Variants in RUNDC3B observed in about 807,000 individuals in gnomAD.
The protein encoded by RUNDC3B is RUN domain-containing protein 3B.
Under a neutral mutation model 58.4 loss-of-function variants are expected in RUNDC3B, and 33 were observed. The ratio of observed to expected loss-of-function variants is 0.56; its 90% CI spans 0.43 to 0.75. The LOEUF (loss-of-function observed/expected upper bound fraction) is 0.75. Ranked by LOEUF, RUNDC3B falls within the 30% of genes least tolerant of loss-of-function variation. RUNDC3B has a pLI of 0.00. For synonymous variants in RUNDC3B, 193 were observed against 195.2 expected (o/e 0.99, Z 0.10); for missense variants, 501 against 535.7 (o/e 0.94, Z 0.64).
At chr7:87,739,927 T>A in intron 5 of RUNDC3B, 47 bp downstream of exon 5, 1 of 854,412 alleles carries the variant, frequency 1.2e-6, no homozygotes, top group Admixed American at 2.2e-5. Flanking sequence ...TATATCTTAA[T>A]AGTTTCTACT....
intron 8 of RUNDC3B, 48 bp downstream of exon 8, chr7:87,778,003 G>A (rs779572938): frequency 2.0e-6 from 3 of 1,514,032 alleles, no homozygotes; most frequent in Non-Finnish European, 8.9e-7. Flanking sequence ...TAAACATTAA[G>A]ACAAAATGTC....
At chr7:87,809,614 A>C (rs1836605379) in intron 9 of RUNDC3B, among the ~76,000 whole-genome samples, 1 of 152,152 alleles carries the variant, frequency 6.6e-6, no homozygotes, top group Non-Finnish European at 1.5e-5. Flanking sequence ...TTTCTACTCT[A>C]ATGTAATCCT....
At chr7:87,679,399 T>C (rs531197486) in intron 2 of RUNDC3B, among the ~76,000 whole-genome samples, 3 of 148,972 alleles carry the variant, frequency 2.0e-5, no homozygotes, top group East Asian at 4.0e-4. Context: ...GGCCCCCAAC[T>C]TTTTTTTAAG....
chr7:87,779,200 G>T (rs1384503153), intron 8 of RUNDC3B, among the ~76,000 whole-genome samples: 1 of 152,044 alleles, frequency 6.6e-6, no homozygotes, highest in Non-Finnish European at 1.5e-5. Flanking sequence ...TTCCAGTTTT[G>T]TCAAAAGTTT....
intron 4 of RUNDC3B, among the ~76,000 whole-genome samples, chr7:87,724,599 AAAT>A (rs1404424349): frequency 5.9e-5 from 9 of 151,968 alleles, no homozygotes; most frequent in African/African-American, 2.2e-4. Flanking sequence ...CTGTAATAGA[AAAT>A]AATAATAATA....
chr7:87,806,278 G>A (rs1182908717), intron 8 of RUNDC3B, among the ~76,000 whole-genome samples: 4 of 152,138 alleles, frequency 2.6e-5, no homozygotes, highest in African/African-American at 9.7e-5. Context: ...TACTCCATTA[G>A]TATCATTGTA....
chr7:87,654,029 A>T (rs939347823), intron 2 of RUNDC3B, among the ~76,000 whole-genome samples: 2 of 152,098 alleles, frequency 1.3e-5, no homozygotes, highest in African/African-American at 4.8e-5. Flanking sequence ...CTGAAGTTTG[A>T]TAGGGATAAA....
intron 6 of RUNDC3B, among the ~76,000 whole-genome samples, chr7:87,759,559 G>A (rs1442672150): frequency 6.6e-6 from 1 of 152,116 alleles, no homozygotes; most frequent in African/African-American, 2.4e-5. Flanking sequence ...TACTTTGGGA[G>A]TCTGAGGCAG....
At chr7:87,676,278 C>T (rs1398396003) in intron 2 of RUNDC3B, among the ~76,000 whole-genome samples, 1 of 151,934 alleles carries the variant, frequency 6.6e-6, no homozygotes, top group Non-Finnish European at 1.5e-5. Flanking sequence ...AGGAAACAAT[C>T]CACAAAATGA....
At chr7:87,711,394 A>T (rs1830071420) in intron 4 of RUNDC3B, among the ~76,000 whole-genome samples, 1 of 151,906 alleles carries the variant, frequency 6.6e-6, no homozygotes, top group Non-Finnish European at 1.5e-5. Flanking sequence ...GTTATTGCTT[A>T]TCTTTTTAGA....
Position 87,686,848 on chromosome 7 carries a change from G to A in RUNDC3B, c.239-13573G>A, listed in dbSNP as rs571509059. Among the ~76,000 whole-genome samples the A allele has an allele frequency of 1.5e-4, 22 of 151,404 alleles. No homozygotes were observed. In the South Asian group the frequency reaches 4.2e-3, roughly 29 times the overall value. On this transcript the variant is annotated intron_variant, in intron 2 of 10. Coordinates refer to ENST00000394654, the MANE Select transcript of RUNDC3B (RefSeq NM_001134405.2). ...TAGTCCCAGCTACTTGGGAGGCTAAGGTGGGAGGGTCACCTGAGCCCAAGG... is the reference window on the plus strand; with the variant it reads ...TAGTCCCAGCTACTTGGGAGGCTAAAGTGGGAGGGTCACCTGAGCCCAAGG...
At chr7:87,780,227 A>G (rs1477770235) in intron 8 of RUNDC3B, among the ~76,000 whole-genome samples, 1 of 152,200 alleles carries the variant, frequency 6.6e-6, no homozygotes, top group African/African-American at 2.4e-5. Flanking sequence ...ACAGTGGCTG[A>G]ACTAATTCAT....
At chr7:87,748,428 G>C (rs2130825829) in intron 6 of RUNDC3B, among the ~76,000 whole-genome samples, 1 of 152,228 alleles carries the variant, frequency 6.6e-6, no homozygotes, top group East Asian at 1.9e-4. Context: ...AGTCGATCTG[G>C]AGCTAAAATT....
At position 87,629,539 on chromosome 7, in the gene RUNDC3B, A is replaced by C. The variant is rs1820987919; in HGVS notation, c.122+594A>C. Among the ~76,000 whole-genome samples the C allele has an allele frequency of 2.0e-5, 3 of 152,164 alleles. No individual in the cohort carries two copies. In the South Asian group the frequency reaches 6.2e-4, roughly 31 times the overall value. ...GGACTGTGGAGGATACCTAGTCTTT[A>C]TGTCAATGATTTATTTTAAGGCCTG... On this transcript the variant is annotated intron_variant, in intron 1 of 10. Transcript: ENST00000394654.
chr7:87,723,210 C>G (rs573345176), intron 4 of RUNDC3B, among the ~76,000 whole-genome samples: 1 of 151,876 alleles, frequency 6.6e-6, no homozygotes, highest in South Asian at 2.1e-4. Context: ...AGACAAATAC[C>G]TAATAAGTAC....
In RUNDC3B at chr7:87,680,515, G is replaced by A. The variant is rs565986538; in HGVS notation, c.239-19906G>A. 1.1e-3 allele frequency among the ~76,000 whole-genome samples: 167 copies of A among 150,852 alleles called. 6 individuals carry two copies. The highest frequency in any genetic ancestry group is 1.9e-3 in the Non-Finnish European group (126 of 67,866). On this transcript the variant is annotated intron_variant, in intron 2 of 10. Coordinates refer to ENST00000394654, the MANE Select transcript of RUNDC3B (RefSeq NM_001134405.2). ...ACCTTAAGAAACTAAAAAAGGGGCC[G>A]GGCCCGGTGGCTCACGCCTGTAATC... is the stretch of plus-strand genomic sequence containing the variant.
chr7:87,727,410 A>G (rs1194779385), intron 4 of RUNDC3B, among the ~76,000 whole-genome samples: 1 of 152,114 alleles, frequency 6.6e-6, no homozygotes, highest in Non-Finnish European at 1.5e-5. Flanking sequence ...AAAATTAGAT[A>G]CTTTTTAAAA....
intron 2 of RUNDC3B, among the ~76,000 whole-genome samples, chr7:87,654,432 T>C (rs997325612): frequency 2.6e-5 from 4 of 152,062 alleles, no homozygotes; most frequent in Admixed American, 6.6e-5. Flanking sequence ...AATCCATGCA[T>C]TTCTGGTCTA....
chr7:87,730,456 A>G (rs1012605582), intron 4 of RUNDC3B, among the ~76,000 whole-genome samples: 4 of 151,808 alleles, frequency 2.6e-5, no homozygotes, highest in African/African-American at 7.3e-5. Context: ...GGTGGTGGCC[A>G]TGAGAAGAGA....
Sources: allele counts gnomAD v4.1 joint callset (sites outside exome capture counted in the v4.1 genomes callset), GRCh38; gene constraint gnomAD v4.1.1; transcripts MANE v1.5; gene names NCBI Gene and HGNC (gene_info 2026-07-23, HGNC 2026-07-21).